MAN2A1: variants seen among roughly 807,000 people sequenced by gnomAD.
The protein encoded by MAN2A1 is alpha-mannosidase 2.
MAN2A1 carries 76 observed loss-of-function variants against 142.6 expected under a neutral mutation model. The observed-to-expected ratio is 0.53, with a 90% CI of 0.44 to 0.65. The LOEUF is 0.65. Ranked by LOEUF, MAN2A1 falls within the 30% of genes least tolerant of loss-of-function variation. The pLI, the probability that MAN2A1 is intolerant of heterozygous loss-of-function variation, is 0.00. For synonymous variants in MAN2A1, 559 were observed against 473.2 expected (o/e 1.18, Z -2.35); for missense variants, 1,311 against 1,365.1 (o/e 0.96, Z 0.62).
chr5:109,691,856 C>T (rs79165562), intron 1 of MAN2A1, among the ~76,000 whole-genome samples: 8,412 of 152,182 alleles, frequency 0.055, 272 homozygotes, highest in Non-Finnish European at 0.076. Context: ...GAGCTCAGAG[C>T]TTGTCCAGTG....
chr5:109,815,668 T>C (rs1754437218), intron 12 of MAN2A1, among the ~76,000 whole-genome samples: 1 of 152,240 alleles, frequency 6.6e-6, no homozygotes, highest in Non-Finnish European at 1.5e-5. Flanking sequence ...TTTCCTGTTG[T>C]CTTTTTTCCC....
chr5:109,718,525 A>G (rs928550082), intron 3 of MAN2A1, among the ~76,000 whole-genome samples: 3 of 152,230 alleles, frequency 2.0e-5, no homozygotes, highest in Non-Finnish European at 2.9e-5. Flanking sequence ...TGGATCTCCC[A>G]CTAAAGTAAA....
At chr5:109,770,096 C>T (rs945762960) in intron 6 of MAN2A1, among the ~76,000 whole-genome samples, 3 of 152,096 alleles carry the variant, frequency 2.0e-5, no homozygotes, top group Non-Finnish European at 2.9e-5. Context: ...GGTCAGCTGG[C>T]GCTGGTTCAT....
At chr5:109,776,837 G>A (rs1388215319) in intron 8 of MAN2A1, among the ~76,000 whole-genome samples, 1 of 152,080 alleles carries the variant, frequency 6.6e-6, no homozygotes, top group Non-Finnish European at 1.5e-5. Context: ...ATACGATGGG[G>A]ACCATACACA....
chr5:109,690,382 G>T lies in MAN2A1; in HGVS notation c.-36G>T, dbSNP rs1296564388. On this transcript the variant is annotated 5_prime_UTR_variant, in exon 1 of 22. Transcript: ENST00000261483. ...CCACAGTGCGCTGTCTCCTTTGGCT[G>T]AGGAGAGTGTCCTGGCCCCGAGTCT... 1 of 1,612,770 alleles carries T rather than the reference G, an allele frequency of 6.2e-7. No homozygotes were observed. The highest frequency in any genetic ancestry group is 1.1e-5 in the South Asian group (1 of 91,038).
At chr5:109,793,751 T>C (rs139708847) in intron 12 of MAN2A1, among the ~76,000 whole-genome samples, 1 of 152,322 alleles carries the variant, frequency 6.6e-6, no homozygotes, top group Admixed American at 6.5e-5. Context: ...TTAACTTCGT[T>C]AAGATTGGAT....
Position 109,847,749 on chromosome 5 carries a change from C to G in MAN2A1, c.2935C>G (p.Leu979Val). ...CCAGGATAACAAGATTACAGCTAAT[C>G]TATTTCGAATACTACTAGAAAAAAG... is the stretch of plus-strand genomic sequence containing the variant. Reference protein sequence around the residue: ...GIQDNKITANLFRILLEKRSA... With the variant: ...GIQDNKITANVFRILLEKRSA... The change falls in exon 19 of 22, where the codon CTA becomes GTA. Residue 979 changes from leucine (L) to valine (V), a missense_variant. By Grantham distance (32) the Leu-to-Val change is conservative (BLOSUM62 1). This residue lies in a region of MAN2A1 where 890 missense variants were observed against 920.5 expected (regional missense o/e 0.97). Coordinates refer to ENST00000261483, the MANE Select transcript of MAN2A1 (RefSeq NM_002372.4). 6.3e-7 allele frequency: 1 copy of G among 1,596,518 alleles called. No individual in the cohort carries two copies. Among genetic ancestry groups the G allele is most frequent in the Non-Finnish European group, 8.5e-7 (1 of 1,172,008 alleles).
chr5:109,720,928 G>C (rs989011258), intron 3 of MAN2A1, among the ~76,000 whole-genome samples: 2 of 152,202 alleles, frequency 1.3e-5, no homozygotes, highest in East Asian at 1.9e-4. Context: ...AGCTACTGCA[G>C]GATAAAGTGG....
At chr5:109,762,201 T>G (rs1408121898) in intron 5 of MAN2A1, among the ~76,000 whole-genome samples, 1 of 152,214 alleles carries the variant, frequency 6.6e-6, no homozygotes, top group Non-Finnish European at 1.5e-5. Flanking sequence ...AGCTATCTTC[T>G]CTACAACTTT....
At chr5:109,691,283 C>G (rs1006093263) in intron 1 of MAN2A1, among the ~76,000 whole-genome samples, 2 of 152,084 alleles carry the variant, frequency 1.3e-5, no homozygotes, top group Admixed American at 6.5e-5. Context: ...TTTAAAGTTA[C>G]CAAAAATAAG....
chr5:109,767,834 TCAC>T, intron 6 of MAN2A1, 126 bp downstream of exon 6: 1 of 706,880 alleles, frequency 1.4e-6, no homozygotes, highest in African/African-American at 1.8e-5. Context: ...CTAAAGATAG[TCAC>T]TCTCGTAATT....
At position 109,868,166 on chromosome 5, in the gene MAN2A1, G is replaced by A. The variant is rs1377999155; in HGVS notation, c.*1168G>A. 2.6e-5 allele frequency: 4 copies of A among 152,188 alleles called. No homozygotes were observed. Among genetic ancestry groups the A allele is most frequent in the African/African-American group, 9.6e-5 (4 of 41,452 alleles). 9.4% of individuals were successfully genotyped at this position (152,188 alleles called of 1,614,324 possible). Reference sequence around the variant, plus strand: ...ATCCAGCTACTGTTTCCATTTCACAGTAGTTAACTATATTAAAGAGAGAAT... The same window carrying A: ...ATCCAGCTACTGTTTCCATTTCACAATAGTTAACTATATTAAAGAGAGAAT... On this transcript the variant is annotated 3_prime_UTR_variant, in exon 22 of 22. Coordinates refer to ENST00000261483, the MANE Select transcript of MAN2A1 (RefSeq NM_002372.4).
At chr5:109,793,772 TG>T (rs1753793776) in intron 12 of MAN2A1, among the ~76,000 whole-genome samples, 1 of 152,212 alleles carries the variant, frequency 6.6e-6, no homozygotes. Flanking sequence ...ATTGGGTGAA[TG>T]TTCAGAATGG....
intron 16 of MAN2A1, among the ~76,000 whole-genome samples, chr5:109,841,664 G>C (rs773341300): frequency 6.6e-6 from 1 of 152,248 alleles, no homozygotes; most frequent in East Asian, 1.9e-4. Context: ...TTTTAAAGCT[G>C]TCCTCTGTTT....
rs189395071 is a variant in MAN2A1 at position 109,840,985 on chromosome 5, C to A, written c.2567-1343C>A. Among the ~76,000 whole-genome samples, 4 of 152,266 alleles carry A rather than the reference C, an allele frequency of 2.6e-5. No homozygotes were observed. In the East Asian group the frequency reaches 7.7e-4, roughly 29 times the overall value. On this transcript the variant is annotated intron_variant, in intron 16 of 21. Transcript: ENST00000261483. ...TTCTACTTGTGTCCTAGGAAAAAGT[C>A]TTCCTTACTCCTTTCCTACCTTATG...
Position 109,845,969 on chromosome 5 carries a change from C to T in MAN2A1, c.2805C>T (p.Leu935=). Residue 935 remains leucine (L), a synonymous_variant, in exon 18 of 22, where the codon CTC becomes CTT. Transcript: ENST00000261483. The part of the protein sequence containing the change: ...IQDAKHRLTL[L]SAQSLGVSSL... ...ATGCCAAACATCGTTTGACACTGCTCTCTGCTCAGTCATTAGGGGTTTCGA... is the reference window on the plus strand; with the variant it reads ...ATGCCAAACATCGTTTGACACTGCTTTCTGCTCAGTCATTAGGGGTTTCGA... The T allele has an allele frequency of 1.2e-6, 2 of 1,613,660 alleles. No homozygotes were observed. The highest frequency in any genetic ancestry group is 1.7e-5 in the Admixed American group (1 of 60,002).
chr5:109,714,333 C>T (rs1751393814), intron 2 of MAN2A1, among the ~76,000 whole-genome samples: 1 of 152,094 alleles, frequency 6.6e-6, no homozygotes. Flanking sequence ...AATGTACACA[C>T]ACAGTGTTTC....
chr5:109,703,714 G>A (rs1251766167), intron 1 of MAN2A1, among the ~76,000 whole-genome samples: 1 of 152,192 alleles, frequency 6.6e-6, no homozygotes, highest in East Asian at 1.9e-4. Context: ...CTTAATTGCA[G>A]TTATTAAATG....
At chr5:109,821,780 CTA>C (rs1754629568) in intron 15 of MAN2A1, among the ~76,000 whole-genome samples, 1 of 152,014 alleles carries the variant, frequency 6.6e-6, no homozygotes, top group Non-Finnish European at 1.5e-5. Context: ...TCTGAGCACT[CTA>C]TATGTGGTAA....
Sources: allele counts gnomAD v4.1 joint callset (sites outside exome capture counted in the v4.1 genomes callset), GRCh38; gene constraint gnomAD v4.1.1; regional missense constraint gnomAD v4.1.1; transcripts MANE v1.5; gene names NCBI Gene and HGNC (gene_info 2026-07-23, HGNC 2026-07-21).